TOX3: variants seen among roughly 807,000 people sequenced by gnomAD.
TOX3 encodes the protein TOX high mobility group box family member 3, also known as CAG trinucleotide repeat-containing gene F9 protein.
In TOX3, 22 loss-of-function variants were observed where a neutral mutation model predicts 64.3. The observed-to-expected ratio is 0.34, with a 90% CI of 0.24 to 0.49. The LOEUF (loss-of-function observed/expected upper bound fraction) is 0.49, where lower values mean the gene tolerates loss of function less well. Ranked by LOEUF, TOX3 falls within the 20% of genes least tolerant of loss-of-function variation. TOX3 has a pLI of 0.99. For synonymous variants in TOX3, 291 were observed against 273.6 expected (o/e 1.06, Z -0.63); for missense variants, 661 against 714.4 (o/e 0.93, Z 0.85).
At chr16:52,441,199 A>C (rs1428032957) in intron 6 of TOX3, among the ~76,000 whole-genome samples, 2 of 152,242 alleles carry the variant, frequency 1.3e-5, no homozygotes, top group African/African-American at 4.8e-5. Context: ...CTATTACCAG[A>C]AAATGGCCAC....
rs1423322253 is a variant in TOX3, at chr16:52,483,103, T to C, written c.88-14529A>G. Among the ~76,000 whole-genome samples the C allele has an allele frequency of 6.6e-5, 10 of 152,308 alleles. No individual in the cohort carries two copies. The South Asian group carries it at 2.1e-3, about 32-fold the overall frequency. ...CCACTCCCTTTTCCACTGTGCTAAATACTCCAGACCAAAAATATGCCCTCC... is the reference window on the plus strand; with the variant it reads ...CCACTCCCTTTTCCACTGTGCTAAACACTCCAGACCAAAAATATGCCCTCC... On this transcript the variant is annotated intron_variant, in intron 1 of 6. Coordinates refer to ENST00000219746, the MANE Select transcript of TOX3 (RefSeq NM_001080430.4).
At chr16:52,518,550 G>T (rs745479309) in intron 1 of TOX3, among the ~76,000 whole-genome samples, 1 of 152,118 alleles carries the variant, frequency 6.6e-6, no homozygotes, top group Non-Finnish European at 1.5e-5. Flanking sequence ...TTAATAAAAC[G>T]TCTTCTCTAT....
chr16:52,502,731 G>A (rs1490488071), intron 1 of TOX3, among the ~76,000 whole-genome samples: 1 of 152,122 alleles, frequency 6.6e-6, no homozygotes, highest in East Asian at 1.9e-4. Context: ...ATATCCTAAA[G>A]AGCAATGAAC....
chr16:52,520,945 T>C (rs528278275), intron 1 of TOX3, among the ~76,000 whole-genome samples: 1 of 152,360 alleles, frequency 6.6e-6, no homozygotes, highest in Non-Finnish European at 1.5e-5. Context: ...AAGGACACTT[T>C]ATTTCATACA....
In TOX3 at chr16:52,439,591, C is replaced by CTGT. The variant is rs759914214; in HGVS notation, c.1362_1364dup (p.Gln455dup). On this transcript the variant is annotated inframe_insertion, in exon 7 of 7. Coordinates refer to ENST00000219746, the MANE Select transcript of TOX3 (RefSeq NM_001080430.4). ...GTTGCTGCTGCTGCATCTGTTGCAT[C>CTGT]TGTTGTTGTTGCTGCTGCTGCTGCT... is the stretch of plus-strand genomic sequence containing the variant. 43 of 1,594,812 alleles carry CTGT rather than the reference C, an allele frequency of 2.7e-5. No homozygotes were observed. Among genetic ancestry groups the CTGT allele is most frequent in the African/African-American group, 1.9e-4 (14 of 74,634 alleles).
At chr16:52,469,268 A>G (rs1326870513) in intron 1 of TOX3, among the ~76,000 whole-genome samples, 1 of 152,226 alleles carries the variant, frequency 6.6e-6, no homozygotes, top group Non-Finnish European at 1.5e-5. Flanking sequence ...GGCCATTCAT[A>G]TCATCACAAA....
At chr16:52,491,582 C>A (rs1240316513) in intron 1 of TOX3, among the ~76,000 whole-genome samples, 1 of 152,244 alleles carries the variant, frequency 6.6e-6, no homozygotes, top group East Asian at 1.9e-4. Context: ...ATCAGAGTTG[C>A]AATTTTACAT....
intron 1 of TOX3, among the ~76,000 whole-genome samples, chr16:52,497,018 G>T (rs1415285653): frequency 6.6e-6 from 1 of 152,084 alleles, no homozygotes; most frequent in Non-Finnish European, 1.5e-5. Context: ...AAGGAAATTA[G>T]GTTCCCCAAT....
intron 1 of TOX3, chr16:52,519,432 G>C (rs764715103): frequency 6.4e-6 from 10 of 1,551,548 alleles, no homozygotes; most frequent in Middle Eastern, 1.7e-4. Flanking sequence ...ATCAGGTAAT[G>C]AAGTCTCTCC....
At chr16:52,462,641 C>T (rs1490843249) in intron 3 of TOX3, among the ~76,000 whole-genome samples, 1 of 152,100 alleles carries the variant, frequency 6.6e-6, no homozygotes, top group Non-Finnish European at 1.5e-5. Context: ...TGACTAAACA[C>T]ACCCATTTTA....
chr16:52,478,154 T>C (rs1407149580), intron 1 of TOX3, among the ~76,000 whole-genome samples: 4 of 152,202 alleles, frequency 2.6e-5, no homozygotes, highest in Non-Finnish European at 4.4e-5. Context: ...ATCCAATGGC[T>C]TCCCAAAGAC....
chr16:52,455,301 G>T (rs545865563), intron 3 of TOX3, among the ~76,000 whole-genome samples: 1 of 152,032 alleles, frequency 6.6e-6, no homozygotes, highest in Non-Finnish European at 1.5e-5. Flanking sequence ...TTTGTTGGGG[G>T]AGGGGCATTC....
At position 52,439,689 on chromosome 16, in the gene TOX3, T is replaced by C; in HGVS notation, c.1267A>G (p.Met423Val). The C allele has an allele frequency of 4.3e-6, 7 of 1,613,898 alleles. No individual in the cohort carries two copies. Among genetic ancestry groups the C allele is most frequent in the Non-Finnish European group, 5.9e-6 (7 of 1,179,798 alleles). The change falls in exon 7 of 7, where the codon ATG becomes GTG. Residue 423 changes from methionine (M) to valine (V), a missense_variant. Transcript: ENST00000219746. ...TGGGTGGAGGGTGCTGAGCCAACCA[T>C]GGTCGTTCCCATGGAGCTTATCAGT... ...APLISSMGTT[M>V]VGSAPSTQVS...
chr16:52,489,477 T>C (rs1285966239), intron 1 of TOX3, among the ~76,000 whole-genome samples: 1 of 152,168 alleles, frequency 6.6e-6, no homozygotes, highest in Non-Finnish European at 1.5e-5. Context: ...AAATGATTAC[T>C]TTTTCTCCTC....
At chr16:52,542,780 G>A (rs543866518) in intron 1 of TOX3, among the ~76,000 whole-genome samples, 1 of 152,278 alleles carries the variant, frequency 6.6e-6, no homozygotes, top group East Asian at 1.9e-4. Context: ...TCTAAGAAGA[G>A]TTTCAATCAA....
At chr16:52,479,959 C>T (rs1268553049) in intron 1 of TOX3, among the ~76,000 whole-genome samples, 2 of 152,148 alleles carry the variant, frequency 1.3e-5, no homozygotes, top group Non-Finnish European at 2.9e-5. Context: ...ACCACCTTCC[C>T]CTCCCCTAGC....
intron 1 of TOX3, among the ~76,000 whole-genome samples, chr16:52,495,943 C>T (rs1385151315): frequency 6.6e-6 from 1 of 152,132 alleles, no homozygotes; most frequent in Non-Finnish European, 1.5e-5. Flanking sequence ...TCAAATATTA[C>T]CATCATGAAC....
At chr16:52,514,053 C>T (rs181428134) in intron 1 of TOX3, among the ~76,000 whole-genome samples, 155 of 152,286 alleles carry the variant, frequency 1.0e-3, no homozygotes, top group African/African-American at 2.2e-3. Flanking sequence ...AAGTCATTGA[C>T]CACTGCAGAA....
At chr16:52,451,754 A>G (rs974225688) in intron 3 of TOX3, among the ~76,000 whole-genome samples, 2 of 152,230 alleles carry the variant, frequency 1.3e-5, no homozygotes, top group Admixed American at 1.3e-4. Flanking sequence ...AGATCTATCA[A>G]AGAAAACTAG....
Sources: gnomAD v4.1 joint callset for allele counts (sites outside exome capture counted in the v4.1 genomes callset) on GRCh38, gnomAD v4.1.1 for gene constraint, MANE v1.5 for transcripts, NCBI Gene and HGNC (gene_info 2026-07-23, HGNC 2026-07-21) for gene names.